The following CYLD variants were observed in gnomAD, a reference collection of about 807,000 sequenced individuals.
The protein encoded by CYLD is CYLD lysine 63 deubiquitinase, also known as ubiquitin carboxyl-terminal hydrolase CYLD.
CYLD carries 26 observed loss-of-function variants against 104.5 expected under a neutral mutation model. The observed-to-expected ratio is 0.25, with a 90% CI of 0.18 to 0.35. The LOEUF is 0.35. Among genes scored for constraint, CYLD ranks in the 10% least tolerant of loss-of-function variants. CYLD has a pLI of 1.00. For synonymous variants in CYLD, 385 were observed against 399.9 expected (o/e 0.96, Z 0.45); for missense variants, 703 against 1,136.1 (o/e 0.62, Z 5.48).
At chr16:50,771,532 T>C (rs1370810966) in intron 5 of CYLD, among the ~76,000 whole-genome samples, 1 of 152,158 alleles carries the variant, frequency 6.6e-6, no homozygotes, top group African/African-American at 2.4e-5. Context: ...AGGAGTAGAA[T>C]TGCTGGGTCA....
Position 50,799,977 on chromosome 16 carries a change from T to C in CYLD, c.*3469T>C, listed in dbSNP as rs111951225. 1,466 of 233,130 alleles carry C rather than the reference T, an allele frequency of 6.3e-3. 4 individuals carry two copies. Among genetic ancestry groups the C allele is most frequent in the Non-Finnish European group, 9.5e-3 (1,118 of 117,954 alleles). The allele number at this position is 233,130 out of a possible 1,614,324, so 14.4% of individuals were successfully genotyped here. On this transcript the variant is annotated 3_prime_UTR_variant, in exon 19 of 19. Coordinates refer to ENST00000427738, the MANE Select transcript of CYLD (RefSeq NM_001378743.1). ...CCTAGTTTTAACGACAGAATATCTA[T>C]TAAAGGCTACTTAGCTGAAGGGTAA...
chr16:50,781,251 T>C lies in CYLD; in HGVS notation c.1524T>C (p.Asp508=). Residue 508 remains aspartate, a synonymous_variant, in exon 10 of 19, where the codon GAT becomes GAC. Coordinates refer to ENST00000427738, the MANE Select transcript of CYLD (RefSeq NM_001378743.1). ...TTGAAGCATTTCTTTTTCAGGAAGA[T>C]GAGTGTGCAGGCTGTACGGATGGAA... ...NEVLAGLELE[D]ECAGCTDGTF... The C allele has an allele frequency of 6.2e-7, 1 of 1,613,948 alleles. No homozygotes were observed. The highest frequency in any genetic ancestry group is 1.7e-5 in the Admixed American group (1 of 60,016).
At position 50,748,885 on chromosome 16, in the gene CYLD, C is replaced by T. The variant is rs140176626; in HGVS notation, c.-123-691C>T. 1.9e-3 allele frequency among the ~76,000 whole-genome samples: 288 copies of T among 152,260 alleles called. 3 individuals carry two copies. Among genetic ancestry groups the T allele is most frequent in the African/African-American group, 6.5e-3 (272 of 41,546 alleles). ...ATGAGCCACACAGCTCAGCCCGAAA[C>T]GCTACTTTTAAAAGTTTATTAGTGT... On this transcript the variant is annotated intron_variant, in intron 2 of 18. Coordinates refer to ENST00000427738, the MANE Select transcript of CYLD (RefSeq NM_001378743.1).
At chr16:50,792,112 T>C (rs111543527) in intron 15 of CYLD, among the ~76,000 whole-genome samples, 2,679 of 152,326 alleles carry the variant, frequency 0.018, 79 homozygotes, top group African/African-American at 0.061. Context: ...GAAATTATTT[T>C]TCTTTTATTG....
rs929624228 is a variant in CYLD at position 50,801,549 on chromosome 16, A to C, written c.*5041A>C. Reference sequence around the variant, plus strand: ...TCAACTGCCCTTGGTTTTAGTTTATAAAATGGCCTAGTACTGTGGAATTTT... The same window carrying C: ...TCAACTGCCCTTGGTTTTAGTTTATCAAATGGCCTAGTACTGTGGAATTTT... On this transcript the variant is annotated 3_prime_UTR_variant, in exon 19 of 19. Coordinates refer to ENST00000427738, the MANE Select transcript of CYLD (RefSeq NM_001378743.1). 8.6e-6 allele frequency: 2 copies of C among 233,694 alleles called. No homozygotes were observed. The highest frequency in any genetic ancestry group is 4.4e-5 in the African/African-American group (2 of 45,354). The allele number at this position is 233,694 out of a possible 1,614,324, so 14.5% of individuals were successfully genotyped here. A position where few individuals can be genotyped will look rare whatever the true frequency, so the allele number is the denominator to read the frequency against.
At chr16:50,759,603 T>A (rs1209027288) in intron 5 of CYLD, among the ~76,000 whole-genome samples, 1 of 152,244 alleles carries the variant, frequency 6.6e-6, no homozygotes, top group East Asian at 1.9e-4. Context: ...TTTCTGTGGA[T>A]GAGGGCATTA....
chr16:50,792,724 T>A lies in CYLD; in HGVS notation c.2350+19T>A. 1 of 1,302,256 alleles carries A rather than the reference T, an allele frequency of 7.7e-7. No individual in the cohort carries two copies. The highest frequency in any genetic ancestry group is 1.1e-6 in the Non-Finnish European group (1 of 911,168). The allele number at this position is 1,302,256 out of a possible 1,614,324, so 80.7% of individuals were successfully genotyped here. ...GAAGACAGTAAGTATGAGATTTTTTTAGTTTGTTTTGTTGGTTTTGTGGAA... is the reference window on the plus strand; with the variant it reads ...GAAGACAGTAAGTATGAGATTTTTTAAGTTTGTTTTGTTGGTTTTGTGGAA... On this transcript the variant is annotated intron_variant, in intron 16 of 18. Transcript: ENST00000427738.
intron 1 of CYLD, 179 bp from the exon 2 acceptor site, chr16:50,742,583 C>T (rs1331962024): frequency 2.2e-5 from 5 of 232,132 alleles, no homozygotes; most frequent in Admixed American, 5.7e-5. Context: ...GACTGAGGCA[C>T]AGGCCGCTGG....
At chr16:50,784,164 G>C in intron 11 of CYLD, 165 bp from the exon 12 acceptor site, 3 of 648,668 alleles carry the variant, frequency 4.6e-6, no homozygotes, top group Non-Finnish European at 8.1e-6. Context: ...ATTGAACCAT[G>C]GGTATCTTCA....
In CYLD at chr16:50,793,636, A is replaced by T; in HGVS notation, c.2441A>T (p.Lys814Met). ...CCGGACATCTCAGCTGGAAAAATCA[A>T]GCAGTTTTGTAAAACCTGCAACACT... ...DDPDISAGKI[K>M]QFCKTCNTQV... The change falls in exon 17 of 19, where the codon AAG becomes ATG. Residue 814 changes from lysine to methionine, a missense_variant. This residue lies in a region of CYLD where 130 missense variants were observed against 220.2 expected (regional missense o/e 0.59). Transcript: ENST00000427738. 1 of 1,614,028 alleles carries T rather than the reference A, an allele frequency of 6.2e-7. No individual in the cohort carries two copies. Among genetic ancestry groups the T allele is most frequent in the East Asian group, 2.2e-5 (1 of 44,880 alleles).
In CYLD at chr16:50,799,113, GT is replaced by G. The variant is rs763407838; in HGVS notation, c.*2609del. On this transcript the variant is annotated 3_prime_UTR_variant, in exon 19 of 19. Transcript: ENST00000427738. ...CTGGTTATTTAATTTTCAGCCTTAA[GT>G]TTTCTTTAATATTTTCCTGTTGGCT... 1.7e-4 allele frequency: 39 copies of G among 233,338 alleles called. No homozygotes were observed. Among genetic ancestry groups the G allele is most frequent in the African/African-American group, 7.9e-4 (36 of 45,440 alleles). 14.5% of individuals were successfully genotyped at this position (233,338 alleles called of 1,614,324 possible).
chr16:50,774,954 A>C (rs971700616), intron 5 of CYLD, among the ~76,000 whole-genome samples: 7 of 152,342 alleles, frequency 4.6e-5, no homozygotes, highest in African/African-American at 1.7e-4. Flanking sequence ...GGATCATATT[A>C]TGAGATGTTT....
At chr16:50,773,438 CT>C (rs1555507794) in intron 5 of CYLD, among the ~76,000 whole-genome samples, 1 of 152,048 alleles carries the variant, frequency 6.6e-6, no homozygotes, top group Non-Finnish European at 1.5e-5. Flanking sequence ...TAGTTTGTTC[CT>C]TTTTTATTGC....
At chr16:50,796,236 CT>C (rs1438358831) in intron 18 of CYLD, 87 bp from the exon 19 acceptor site, 27 of 1,366,402 alleles carry the variant, frequency 2.0e-5, no homozygotes, top group Admixed American at 3.6e-5. Context: ...CTGAAATTAG[CT>C]TTTTGGAAAT....
chr16:50,789,962 G>A (rs148971272), intron 14 of CYLD, among the ~76,000 whole-genome samples: 1 of 152,272 alleles, frequency 6.6e-6, no homozygotes, highest in East Asian at 1.9e-4. Flanking sequence ...CAGAGCTGAG[G>A]AAAGTACCCA....
intron 5 of CYLD, among the ~76,000 whole-genome samples, chr16:50,761,951 C>A (rs1009317115): frequency 6.6e-6 from 1 of 152,202 alleles, no homozygotes; most frequent in Non-Finnish European, 1.5e-5. Context: ...CCACGTGTAG[C>A]GTGGTATATT....
intron 18 of CYLD, among the ~76,000 whole-genome samples, 191 bp from the exon 19 acceptor site, chr16:50,796,133 A>G (rs928591877): frequency 6.6e-6 from 1 of 152,200 alleles, no homozygotes; most frequent in Non-Finnish European, 1.5e-5. Context: ...TTGGCCCCAG[A>G]ATCCTTTCAG....
intron 13 of CYLD, 35 bp from the exon 14 acceptor site, chr16:50,787,751 C>T (rs1312231923): frequency 8.3e-6 from 10 of 1,198,392 alleles, no homozygotes; most frequent in Non-Finnish European, 1.2e-5. Context: ...AAAAATTTTG[C>T]CTGTGACTTA....
At position 50,797,077 on chromosome 16, in the gene CYLD, C is replaced by A. The variant is rs1489038197; in HGVS notation, c.*569C>A. On this transcript the variant is annotated 3_prime_UTR_variant, in exon 19 of 19. Transcript: ENST00000427738. ...TTTTCTGTGTTTCTGCAATAGTGGT[C>A]AGAAAAATACTTAAATTCCCTTAAT... 1 of 235,202 alleles carries A rather than the reference C, an allele frequency of 4.3e-6. No individual in the cohort carries two copies. The highest frequency in any genetic ancestry group is 8.4e-6 in the Non-Finnish European group (1 of 119,386). 14.6% of individuals were successfully genotyped at this position (235,202 alleles called of 1,614,324 possible). A position where few individuals can be genotyped will look rare whatever the true frequency, so the allele number is the denominator to read the frequency against.
Sources: allele counts gnomAD v4.1 joint callset (sites outside exome capture counted in the v4.1 genomes callset), GRCh38; gene constraint gnomAD v4.1.1; regional missense constraint gnomAD v4.1.1; transcripts MANE v1.5; gene names NCBI Gene and HGNC (gene_info 2026-07-23, HGNC 2026-07-21).